Variants in CAMTA1 observed in about 807,000 individuals in gnomAD.
CAMTA1 encodes the protein calmodulin-binding transcription activator 1.
CAMTA1 carries 27 observed loss-of-function variants against 170.9 expected under a neutral mutation model. The observed-to-expected ratio is 0.16, with a 90% CI of 0.12 to 0.22. The LOEUF is 0.22. Among genes scored for constraint, CAMTA1 ranks in the 10% least tolerant of loss-of-function variants. The pLI is 1.00. For synonymous variants in CAMTA1, 833 were observed against 891.5 expected (o/e 0.93, Z 1.17); for missense variants, 1,619 against 2,217.2 (o/e 0.73, Z 5.42).
chr1:7,252,923 C>G (rs1000425362), intron 5 of CAMTA1, among the ~76,000 whole-genome samples: 4 of 152,206 alleles, frequency 2.6e-5, no homozygotes, highest in African/African-American at 9.6e-5. Flanking sequence ...GGGGCCCTCT[C>G]TACACACGGC....
intron 4 of CAMTA1, among the ~76,000 whole-genome samples, chr1:7,211,985 G>A (rs151092807): frequency 6.6e-6 from 1 of 152,252 alleles, no homozygotes; most frequent in East Asian, 1.9e-4. Context: ...TTCCAACATG[G>A]AGAAATTTTC....
intron 5 of CAMTA1, among the ~76,000 whole-genome samples, chr1:7,266,677 T>G (rs1668987400): frequency 6.6e-6 from 1 of 152,136 alleles, no homozygotes; most frequent in South Asian, 2.1e-4. Context: ...TATGCCTAGA[T>G]GACAAGTAGT....
chr1:7,498,805 A>G (rs1317902313), intron 6 of CAMTA1, among the ~76,000 whole-genome samples: 2 of 141,358 alleles, frequency 1.4e-5, no homozygotes, highest in African/African-American at 5.3e-5. Flanking sequence ...GCATGTGTGT[A>G]CATGTGTGTA....
In CAMTA1 at chr1:7,580,810, A is replaced by G. The variant is rs1159865041; in HGVS notation, c.511-59590A>G. On this transcript the variant is annotated intron_variant, in intron 6 of 22. Coordinates refer to ENST00000303635, the MANE Select transcript of CAMTA1 (RefSeq NM_015215.4). The surrounding 1 kb of genome is among the most constrained non-coding windows in gnomAD (Gnocchi z 4.3). ...TCCTCCCCAACCAAGATCTCCTCCA[A>G]CCCGTGCCCATCACAAGCCCATCCT... 6.6e-6 allele frequency among the ~76,000 whole-genome samples: 1 copy of G among 151,658 alleles called. No individual in the cohort carries two copies. Among genetic ancestry groups the G allele is most frequent in the African/African-American group, 2.4e-5 (1 of 41,216 alleles).
intron 6 of CAMTA1, among the ~76,000 whole-genome samples, chr1:7,478,984 A>T (rs2093469365): frequency 6.6e-6 from 1 of 152,248 alleles, no homozygotes; most frequent in African/African-American, 2.4e-5. Flanking sequence ...AAGGGCAAAG[A>T]GTGAAATCCA....
chr1:6,854,072 G>C (rs1034259356), intron 3 of CAMTA1, among the ~76,000 whole-genome samples: 3 of 152,108 alleles, frequency 2.0e-5, no homozygotes, highest in Non-Finnish European at 4.4e-5. Context: ...AATCTCAGTG[G>C]GTTTATGTGT....
chr1:6,935,924 C>T (rs1334036386), intron 3 of CAMTA1, among the ~76,000 whole-genome samples: 1 of 152,070 alleles, frequency 6.6e-6, no homozygotes, highest in African/African-American at 2.4e-5. Context: ...GGTGGCAGGT[C>T]GGAAACTGGA....
At chr1:7,161,047 C>T (rs768506962) in intron 4 of CAMTA1, among the ~76,000 whole-genome samples, 4 of 152,170 alleles carry the variant, frequency 2.6e-5, no homozygotes, top group African/African-American at 9.7e-5. Context: ...CTTCTCCTTG[C>T]TCCCTCTCTT....
intron 3 of CAMTA1, among the ~76,000 whole-genome samples, chr1:6,879,712 T>C (rs1421340034): frequency 6.6e-6 from 1 of 151,252 alleles, no homozygotes; most frequent in South Asian, 2.1e-4. Flanking sequence ...TGCTGCAACC[T>C]TGAACTCCTA....
At chr1:6,897,856 C>T (rs1160260508) in intron 3 of CAMTA1, among the ~76,000 whole-genome samples, 1 of 152,124 alleles carries the variant, frequency 6.6e-6, no homozygotes, top group Admixed American at 6.5e-5. Context: ...TCTTTTTTCC[C>T]AGCCTTAAGA....
At chr1:7,074,076 C>T (rs1372266991) in intron 3 of CAMTA1, among the ~76,000 whole-genome samples, 1 of 152,196 alleles carries the variant, frequency 6.6e-6, no homozygotes, top group Non-Finnish European at 1.5e-5. Flanking sequence ...AGGATCTGCC[C>T]TGGTGTTTCT....
intron 3 of CAMTA1, among the ~76,000 whole-genome samples, chr1:7,002,485 C>A (rs1347861510): frequency 6.6e-6 from 1 of 152,198 alleles, no homozygotes; most frequent in African/African-American, 2.4e-5. Flanking sequence ...GTTGGCCCAC[C>A]AGAATATCAG....
intron 10 of CAMTA1, among the ~76,000 whole-genome samples, chr1:7,672,932 C>G (rs980710934): frequency 1.3e-5 from 2 of 152,196 alleles, no homozygotes; most frequent in Non-Finnish European, 2.9e-5. Context: ...ACCTAGCTGC[C>G]CTGCTCGGCC....
At chr1:7,703,955 C>T (rs1034948018) in intron 11 of CAMTA1, among the ~76,000 whole-genome samples, 1 of 152,038 alleles carries the variant, frequency 6.6e-6, no homozygotes, top group Non-Finnish European at 1.5e-5. Context: ...AAAGGGTGGG[C>T]GGAGCCTGCA....
At chr1:7,669,546 C>T (rs75219891) in intron 9 of CAMTA1, among the ~76,000 whole-genome samples, 97 of 152,340 alleles carry the variant, frequency 6.4e-4, no homozygotes, top group African/African-American at 2.2e-3. Flanking sequence ...TAGGGAATCA[C>T]TTCTCTGGCC....
chr1:7,037,874 G>A (rs1307132359), intron 3 of CAMTA1, among the ~76,000 whole-genome samples: 1 of 148,744 alleles, frequency 6.7e-6, no homozygotes, highest in East Asian at 1.9e-4. Flanking sequence ...AACAGTAACT[G>A]ACACACACTG....
At chr1:7,078,098 A>G (rs1449000629) in intron 3 of CAMTA1, among the ~76,000 whole-genome samples, 2 of 152,244 alleles carry the variant, frequency 1.3e-5, no homozygotes, top group Non-Finnish European at 2.9e-5. Flanking sequence ...GACCAAGTGG[A>G]TGCAGCATAT....
chr1:7,274,037 A>G (rs1405309253), intron 5 of CAMTA1, among the ~76,000 whole-genome samples: 1 of 152,172 alleles, frequency 6.6e-6, no homozygotes, highest in African/African-American at 2.4e-5. Context: ...AAATTAATGA[A>G]GTCAGGAAAG....
chr1:7,516,597 A>T (rs1381947702), intron 6 of CAMTA1, among the ~76,000 whole-genome samples: 1 of 152,152 alleles, frequency 6.6e-6, no homozygotes, highest in South Asian at 2.1e-4. Context: ...ACATTTCAGG[A>T]TTTCATGTTC....
Sources: allele counts gnomAD v4.1 joint callset (sites outside exome capture counted in the v4.1 genomes callset), GRCh38; gene constraint gnomAD v4.1.1; non-coding constraint Gnocchi (gnomAD v3.1); transcripts MANE v1.5; gene names NCBI Gene and HGNC (gene_info 2026-07-23, HGNC 2026-07-21).